PHF14: variants seen among roughly 807,000 people sequenced by gnomAD.
PHF14 encodes PHD finger protein 14.
PHF14 carries 55 observed loss-of-function variants against 117.9 expected under a neutral mutation model. That is an observed-to-expected ratio of 0.47 (90% confidence interval 0.38 to 0.58). PHF14 has a LOEUF of 0.58. Among genes scored for constraint, PHF14 ranks in the 20% least tolerant of loss-of-function variants. PHF14 has a pLI of 0.00. For missense variants in PHF14, 978 were observed against 1,122.2 expected (o/e 0.87, Z 1.84); for synonymous variants, 409 against 368.6 (o/e 1.11, Z -1.26).
chr7:11,042,962 CTA>C (rs1784546812), intron 13 of PHF14, 148 bp downstream of exon 13: 1 of 572,810 alleles, frequency 1.7e-6, no homozygotes, highest in African/African-American at 2.0e-5. Context: ...CATTATGTGA[CTA>C]AATCTATAAC....
chr7:11,105,956 T>G, intron 16 of PHF14: 2 of 984,932 alleles, frequency 2.0e-6, no homozygotes, highest in African/African-American at 1.7e-5. Context: ...TACATGGAGC[T>G]TGAGCTCAGC....
intron 4 of PHF14, among the ~76,000 whole-genome samples, chr7:10,995,742 C>T (rs1203304725): frequency 2.0e-5 from 3 of 152,180 alleles, no homozygotes; most frequent in African/African-American, 4.8e-5. Context: ...GCAGCGCCGG[C>T]GGGCCAGCAC....
At chr7:11,146,996 G>A (rs528299236) in intron 17 of PHF14, among the ~76,000 whole-genome samples, 1 of 152,138 alleles carries the variant, frequency 6.6e-6, no homozygotes, top group South Asian at 2.1e-4. Flanking sequence ...ACAGGTGTGT[G>A]CCACGACACC....
At chr7:11,094,994 A>C (rs1221259083) in intron 16 of PHF14, among the ~76,000 whole-genome samples, 1 of 151,974 alleles carries the variant, frequency 6.6e-6, no homozygotes, top group Non-Finnish European at 1.5e-5. Context: ...TTTCCATTCT[A>C]GCCAGAGGCA....
At chr7:11,093,266 T>C (rs2128339324) in intron 16 of PHF14, among the ~76,000 whole-genome samples, 1 of 152,356 alleles carries the variant, frequency 6.6e-6, no homozygotes, top group East Asian at 1.9e-4. Context: ...CAGTGGATTT[T>C]CTTTTTCATT....
At chr7:11,067,719 T>C (rs1439421482) in intron 16 of PHF14, among the ~76,000 whole-genome samples, 1 of 152,168 alleles carries the variant, frequency 6.6e-6, no homozygotes, top group Admixed American at 6.5e-5. Context: ...AAGCTCAAGA[T>C]TGGGCATCTG....
Position 11,074,216 on chromosome 7 carries a change from C to CTTT in PHF14, c.2654+12141_2654+12143dup, listed in dbSNP as rs796725577. On this transcript the variant is annotated intron_variant, in intron 16 of 17. Transcript: ENST00000634607. ...TGCCTTTCCTTTTTTTTCTTTTTTT[C>CTTT]TTTTTTTTTTTTGAGACAGAGTCTT... is the stretch of plus-strand genomic sequence containing the variant. Among the ~76,000 whole-genome samples the CTTT allele has an allele frequency of 4.2e-4, 60 of 143,536 alleles. 1 individual carries two copies. The highest frequency in any genetic ancestry group is 1.5e-3 in the African/African-American group (60 of 39,236). 94.2% of individuals were successfully genotyped at this position (143,536 alleles called of 152,430 possible).
chr7:11,085,998 G>A (rs917334038), intron 16 of PHF14, among the ~76,000 whole-genome samples: 2 of 152,028 alleles, frequency 1.3e-5, no homozygotes, highest in Non-Finnish European at 2.9e-5. Context: ...CATAATCTTT[G>A]TGCTTTAGTT....
intron 16 of PHF14, chr7:11,105,639 G>C (rs1787233629): frequency 1.0e-6 from 1 of 984,556 alleles, no homozygotes; most frequent in Non-Finnish European, 1.2e-6. Context: ...TCAGCACTTT[G>C]TAAGTTTACA....
intron 16 of PHF14, chr7:11,108,877 C>A (rs1038886935): frequency 1.3e-5 from 2 of 151,622 alleles, no homozygotes; most frequent in Admixed American, 1.3e-4. Flanking sequence ...TCAAGTTATA[C>A]ACTAGAAATC....
At position 11,076,063 on chromosome 7, in the gene PHF14, C is replaced by T. The variant is rs188169592; in HGVS notation, c.2654+13978C>T. On this transcript the variant is annotated intron_variant, in intron 16 of 17. Transcript: ENST00000634607. ...CTGAGGCAGGAGAATGGTGTGAACC[C>T]GGGAGGTGGAGCTTGCAGTGAGCCA... is the stretch of plus-strand genomic sequence containing the variant. 9.8e-3 allele frequency among the ~76,000 whole-genome samples: 1,487 copies of T among 152,236 alleles called. 24 individuals are homozygous for T. The highest frequency in any genetic ancestry group is 0.034 in the African/African-American group (1,423 of 41,550).
chr7:11,005,469 A>T (rs532386284), intron 4 of PHF14, among the ~76,000 whole-genome samples: 1 of 152,336 alleles, frequency 6.6e-6, no homozygotes, highest in Admixed American at 6.5e-5. Context: ...GTGTATACAC[A>T]AACACTTCTC....
intron 7 of PHF14, 86 bp from the exon 8 acceptor site, chr7:11,035,554 A>C (rs1415193739): frequency 5.2e-6 from 4 of 770,766 alleles, no homozygotes; most frequent in Non-Finnish European, 7.5e-6. Flanking sequence ...ATTCTTTGAA[A>C]AGGAAGTAAT....
At chr7:11,089,525 C>G (rs185918224) in intron 16 of PHF14, among the ~76,000 whole-genome samples, 1 of 151,768 alleles carries the variant, frequency 6.6e-6, no homozygotes, top group East Asian at 1.9e-4. Flanking sequence ...ACTCCATTCT[C>G]CACAAAAAGG....
intron 4 of PHF14, among the ~76,000 whole-genome samples, chr7:10,997,352 C>T (rs1376248307): frequency 1.3e-5 from 2 of 152,024 alleles, no homozygotes; most frequent in African/African-American, 4.8e-5. Flanking sequence ...AAATGCAATT[C>T]CTGTGATGAG....
intron 16 of PHF14, among the ~76,000 whole-genome samples, chr7:11,086,628 T>G (rs1786419987): frequency 6.6e-6 from 1 of 152,056 alleles, no homozygotes; most frequent in Admixed American, 6.5e-5. Flanking sequence ...ATAACCAAAT[T>G]GAAAAAACAA....
At chr7:11,150,447 C>T (rs758038389) in intron 17 of PHF14, among the ~76,000 whole-genome samples, 7 of 152,100 alleles carry the variant, frequency 4.6e-5, no homozygotes, top group Non-Finnish European at 7.4e-5. Context: ...ATTCTCCTCC[C>T]TGTCCTGAAC....
intron 17 of PHF14, among the ~76,000 whole-genome samples, chr7:11,161,000 C>G (rs1562490773): frequency 6.6e-6 from 1 of 152,072 alleles, no homozygotes; most frequent in Non-Finnish European, 1.5e-5. Flanking sequence ...GGCAGATGTC[C>G]AGAATGGTGT....
chr7:11,019,257 T>C (rs1356288245), intron 5 of PHF14, among the ~76,000 whole-genome samples: 4 of 152,132 alleles, frequency 2.6e-5, no homozygotes, highest in Admixed American at 2.6e-4. Flanking sequence ...ATAGAATGAG[T>C]TTGGAAATAT....
Sources: gnomAD v4.1 joint callset for allele counts (sites outside exome capture counted in the v4.1 genomes callset) on GRCh38, gnomAD v4.1.1 for gene constraint, MANE v1.5 for transcripts, NCBI Gene and HGNC (gene_info 2026-07-23, HGNC 2026-07-21) for gene names.